ACTR3C: variants seen among roughly 807,000 people sequenced by gnomAD.
ACTR3C encodes actin-related protein 3C.
In ACTR3C, 18 loss-of-function variants were observed where a neutral mutation model predicts 26.3. The observed-to-expected ratio is 0.68, with a 90% CI of 0.47 to 1.01. The LOEUF (loss-of-function observed/expected upper bound fraction) is 1.01, where lower values mean the gene tolerates loss of function less well. ACTR3C is among the 50% of genes least tolerant of loss of function. The pLI is 0.00. For missense variants in ACTR3C, 184 were observed against 250.7 expected (o/e 0.73, Z 1.80); for synonymous variants, 55 against 94.5 (o/e 0.58, Z 2.42).
chr7:150,308,023 C>T (rs1795944476), intron 1 of ACTR3C, among the ~76,000 whole-genome samples: 2 of 152,178 alleles, frequency 1.3e-5, no homozygotes, highest in Non-Finnish European at 2.9e-5. Flanking sequence ...GAGCTGGTCA[C>T]AGACTCGGGA....
chr7:149,887,891 GCTT>G, the ACTR3C span, among the ~76,000 whole-genome samples: 1 of 152,182 alleles, frequency 6.6e-6, no homozygotes, highest in Non-Finnish European at 1.5e-5. Context: ...TTCTGCTTTT[GCTT>G]CTTCATTTTT....
the ACTR3C span, among the ~76,000 whole-genome samples, chr7:150,142,132 T>G: frequency 6.6e-6 from 1 of 152,142 alleles, no homozygotes; most frequent in Non-Finnish European, 1.5e-5. Flanking sequence ...ACCCAGTATA[T>G]GCAAAACCCT....
the ACTR3C span, among the ~76,000 whole-genome samples, chr7:149,991,121 C>T: frequency 5.9e-5 from 9 of 152,172 alleles, no homozygotes; most frequent in Non-Finnish European, 1.0e-4. Context: ...AGTAAAGGCA[C>T]GTCTTACACG....
At chr7:150,179,515 T>C in the ACTR3C span, among the ~76,000 whole-genome samples, 1 of 149,802 alleles carries the variant, frequency 6.7e-6, no homozygotes, top group East Asian at 1.9e-4. Context: ...ATTTTATTTT[T>C]ATTGTTTTAG....
At chr7:150,124,186 C>T in the ACTR3C span, among the ~76,000 whole-genome samples, 2 of 152,180 alleles carry the variant, frequency 1.3e-5, no homozygotes, top group African/African-American at 2.4e-5. Flanking sequence ...CCCTCCCATC[C>T]TGATTCAACA....
chr7:150,048,778 G>C, the ACTR3C span, among the ~76,000 whole-genome samples: 1 of 152,222 alleles, frequency 6.6e-6, no homozygotes, highest in South Asian at 2.1e-4. Flanking sequence ...AGGAGGGCGC[G>C]GGGTGGTCGG....
the ACTR3C span, among the ~76,000 whole-genome samples, chr7:150,096,454 C>A: frequency 6.6e-6 from 1 of 151,318 alleles, no homozygotes. Flanking sequence ...TGACAGAAAA[C>A]AATTTCAAAA....
chr7:150,111,201 T>C, the ACTR3C span, among the ~76,000 whole-genome samples: 1 of 124,670 alleles, frequency 8.0e-6, no homozygotes, highest in East Asian at 2.2e-4. Flanking sequence ...GCTCCAGCTG[T>C]GAGCACCCCC....
the ACTR3C span, among the ~76,000 whole-genome samples, chr7:150,182,214 T>G: frequency 1.3e-5 from 2 of 150,536 alleles, no homozygotes; most frequent in African/African-American, 5.0e-5. Context: ...AAGAAAACAC[T>G]ATAATCTACT....
At chr7:150,039,792 A>T in the ACTR3C span, among the ~76,000 whole-genome samples, 2,155 of 67,046 alleles carry the variant, frequency 0.032, 38 homozygotes, top group Middle Eastern at 0.068. Flanking sequence ...GGGAAGAGGG[A>T]CTGGCTCTCA....
the ACTR3C span, among the ~76,000 whole-genome samples, chr7:149,970,173 G>A: frequency 9.2e-5 from 14 of 152,014 alleles, no homozygotes; most frequent in Non-Finnish European, 1.8e-4. Context: ...TCTGCAAACT[G>A]TTTAGACAGG....
the ACTR3C span, among the ~76,000 whole-genome samples, chr7:149,975,646 A>T: frequency 2.6e-5 from 4 of 152,190 alleles, no homozygotes; most frequent in Non-Finnish European, 5.9e-5. Context: ...AATACCTGAT[A>T]CTGGTTAATT....
chr7:150,149,085 A>G, the ACTR3C span, among the ~76,000 whole-genome samples: 217 of 7,214 alleles, frequency 0.03, 9 homozygotes, highest in African/African-American at 0.055. Context: ...TTGAGTATAT[A>G]TATATATATA....
chr7:150,075,556 C>A, the ACTR3C span, among the ~76,000 whole-genome samples: 13 of 152,260 alleles, frequency 8.5e-5, no homozygotes, highest in Non-Finnish European at 1.8e-4. Context: ...AATAGTTACT[C>A]CTCCTGGGAC....
the ACTR3C span, among the ~76,000 whole-genome samples, chr7:150,036,377 C>A: frequency 1.4e-5 from 2 of 147,452 alleles, no homozygotes; most frequent in African/African-American, 2.5e-5. Flanking sequence ...CGGGCCTCAG[C>A]CAGGGCCCCA....
At chr7:150,227,198 G>A in the ACTR3C span, among the ~76,000 whole-genome samples, 13 of 151,572 alleles carry the variant, frequency 8.6e-5, no homozygotes, top group South Asian at 2.1e-3. Context: ...TTATTATCAG[G>A]TGTGGCCATC....
the ACTR3C span, among the ~76,000 whole-genome samples, chr7:150,179,864 G>T: frequency 6.6e-6 from 1 of 151,494 alleles, no homozygotes; most frequent in Admixed American, 6.5e-5. Flanking sequence ...TAACCACATT[G>T]CAGGTACAAA....
chr7:150,109,011 G>A, the ACTR3C span, among the ~76,000 whole-genome samples: 11 of 152,050 alleles, frequency 7.2e-5, no homozygotes, highest in African/African-American at 2.4e-4. Context: ...GGATGGCTGC[G>A]TGCTCCAAAC....
At chr7:149,910,678 TATTC>T in the ACTR3C span, among the ~76,000 whole-genome samples, 7 of 152,146 alleles carry the variant, frequency 4.6e-5, no homozygotes, top group Non-Finnish European at 8.8e-5. Context: ...AAACTAACTT[TATTC>T]ATTCAATTTT....
Sources: allele counts gnomAD v4.1 joint callset (sites outside exome capture counted in the v4.1 genomes callset), GRCh38; gene constraint gnomAD v4.1.1; transcripts MANE v1.5; gene names NCBI Gene and HGNC (gene_info 2026-07-23, HGNC 2026-07-21).